The following SPOCK3 variants were observed in gnomAD, a reference collection of about 807,000 sequenced individuals.
The protein encoded by SPOCK3 is testican-3.
Under a neutral mutation model 56.6 loss-of-function variants are expected in SPOCK3, and 30 were observed. The ratio of observed to expected loss-of-function variants is 0.53; its 90% confidence interval spans 0.40 to 0.72. SPOCK3 has a LOEUF of 0.72. Ranked by LOEUF, SPOCK3 falls within the 30% of genes least tolerant of loss-of-function variation. SPOCK3 has a pLI of 0.00. For synonymous variants in SPOCK3, 196 were observed against 183.3 expected, an observed-to-expected ratio of 1.07 and a Z score of -0.56; for missense variants, 527 against 530.0, an observed-to-expected ratio of 0.99 and a Z score of 0.06.
At chr4:167,033,990 A>T (rs1224486713) in intron 3 of SPOCK3, among the ~76,000 whole-genome samples, 1 of 152,074 alleles carries the variant, frequency 6.6e-6, no homozygotes, top group Non-Finnish European at 1.5e-5. Context: ...TCAGAGTCCT[A>T]TCCCACAGAA....
At chr4:166,749,572 C>A (rs948824859) in intron 8 of SPOCK3, among the ~76,000 whole-genome samples, 5 of 151,692 alleles carry the variant, frequency 3.3e-5, no homozygotes, top group Non-Finnish European at 2.9e-5. Context: ...ACCAACATGG[C>A]ACATGTATAC....
chr4:166,918,965 C>T (rs1249372298), intron 4 of SPOCK3, among the ~76,000 whole-genome samples: 1 of 152,110 alleles, frequency 6.6e-6, no homozygotes, highest in Non-Finnish European at 1.5e-5. Flanking sequence ...CATGTGATCT[C>T]TGCACACCCC....
intron 5 of SPOCK3, among the ~76,000 whole-genome samples, chr4:166,900,176 C>A (rs1177054490): frequency 1.3e-5 from 2 of 152,126 alleles, no homozygotes; most frequent in Non-Finnish European, 2.9e-5. Context: ...ATCACTGTAC[C>A]GTTTAAAACT....
intron 4 of SPOCK3, among the ~76,000 whole-genome samples, chr4:166,951,644 G>T (rs1742636869): frequency 7.3e-6 from 1 of 136,144 alleles, no homozygotes; most frequent in Non-Finnish European, 1.5e-5. Context: ...GAGAATTTTA[G>T]ACCAATATCC....
chr4:167,183,965 C>T (rs1731727238), intron 2 of SPOCK3, among the ~76,000 whole-genome samples: 1 of 152,166 alleles, frequency 6.6e-6, no homozygotes, highest in South Asian at 2.1e-4. Flanking sequence ...ATACCAGGAT[C>T]ATTTATTTGA....
chr4:166,755,652 A>G (rs900920355), intron 7 of SPOCK3, among the ~76,000 whole-genome samples: 2 of 152,098 alleles, frequency 1.3e-5, no homozygotes, highest in Non-Finnish European at 2.9e-5. Flanking sequence ...CATGGAAAAG[A>G]GGATGTATTG....
chr4:167,072,990 G>A (rs1756827058), intron 2 of SPOCK3, among the ~76,000 whole-genome samples: 1 of 151,598 alleles, frequency 6.6e-6, no homozygotes, highest in Non-Finnish European at 1.5e-5. Flanking sequence ...TTTAGATATT[G>A]TTTACTGCTT....
At chr4:167,020,337 T>G (rs1751050370) in intron 3 of SPOCK3, among the ~76,000 whole-genome samples, 1 of 152,078 alleles carries the variant, frequency 6.6e-6, no homozygotes, top group South Asian at 2.1e-4. Context: ...GCATTTGCAG[T>G]TTCCAAAGAG....
chr4:166,885,789 A>G (rs989973404), intron 6 of SPOCK3, among the ~76,000 whole-genome samples: 2 of 152,214 alleles, frequency 1.3e-5, no homozygotes, highest in African/African-American at 4.8e-5. Flanking sequence ...ATATAAAACC[A>G]TAAAACTCAT....
intron 2 of SPOCK3, among the ~76,000 whole-genome samples, chr4:167,207,967 C>T (rs1734515190): frequency 6.6e-6 from 1 of 152,120 alleles, no homozygotes; most frequent in Non-Finnish European, 1.5e-5. Flanking sequence ...TAATGCTAAG[C>T]CAAGGAAGCC....
intron 5 of SPOCK3, among the ~76,000 whole-genome samples, chr4:166,891,162 A>C (rs545879392): frequency 6.6e-4 from 100 of 152,002 alleles, no homozygotes; most frequent in African/African-American, 2.3e-3. Context: ...ATCTTTTAAG[A>C]GTCAATAATT....
intron 6 of SPOCK3, among the ~76,000 whole-genome samples, chr4:166,813,139 G>T (rs1744011584): frequency 6.6e-6 from 1 of 151,884 alleles, no homozygotes; most frequent in Non-Finnish European, 1.5e-5. Flanking sequence ...ACCTTAAAAT[G>T]ATTTAAATTA....
intron 4 of SPOCK3, among the ~76,000 whole-genome samples, chr4:166,962,685 C>T (rs916699431): frequency 6.6e-6 from 1 of 152,068 alleles, no homozygotes; most frequent in African/African-American, 2.4e-5. Flanking sequence ...CTACTTATGT[C>T]ACCATTTTCA....
At chr4:166,783,160 A>T (rs1343430987) in intron 7 of SPOCK3, among the ~76,000 whole-genome samples, 1 of 152,164 alleles carries the variant, frequency 6.6e-6, no homozygotes, top group Non-Finnish European at 1.5e-5. Context: ...GGATTTCAAG[A>T]CCAGTCTGGC....
chr4:166,836,323 C>CATTT (rs1310266176), intron 6 of SPOCK3, among the ~76,000 whole-genome samples: 1 of 152,138 alleles, frequency 6.6e-6, no homozygotes, highest in African/African-American at 2.4e-5. Flanking sequence ...ACGATTTTAT[C>CATTT]ATTTTTTTCA....
chr4:166,962,011 A>G (rs1282227131), intron 4 of SPOCK3, among the ~76,000 whole-genome samples: 1 of 152,030 alleles, frequency 6.6e-6, no homozygotes, highest in East Asian at 1.9e-4. Flanking sequence ...GGCTGCCTCC[A>G]TTCCTTAGCT....
chr4:166,935,992 A>G lies in SPOCK3; in HGVS notation c.351-23249T>C, dbSNP rs558985376. ...AGAAGGTCAGGTTTGGAAAGTTCAG[A>G]TTTTTCCTTCCATTTTTGGTTTCAT... On this transcript the variant is annotated intron_variant, in intron 4 of 10. Transcript: ENST00000357545. Among the ~76,000 whole-genome samples, 2 of 152,284 alleles carry G rather than the reference A, an allele frequency of 1.3e-5. 1 individual carries two copies. The highest frequency in any genetic ancestry group is 4.1e-4 in the South Asian group (2 of 4,832).
At chr4:166,763,417 A>C (rs1316462305) in intron 7 of SPOCK3, among the ~76,000 whole-genome samples, 1 of 152,146 alleles carries the variant, frequency 6.6e-6, no homozygotes, top group Non-Finnish European at 1.5e-5. Flanking sequence ...CAGAGAATGT[A>C]ATAATACCAT....
At position 167,204,724 on chromosome 4, in the gene SPOCK3, A is replaced by G. The variant is rs776533610; in HGVS notation, c.189+29261T>C. On this transcript the variant is annotated intron_variant, in intron 2 of 10. Transcript: ENST00000357545. Reference sequence around the variant, plus strand: ...TTAATTAGGCTTGAGTTGTTACATGAGAAAAAAATCATCTTCTAACCTTTT... The same window carrying G: ...TTAATTAGGCTTGAGTTGTTACATGGGAAAAAAATCATCTTCTAACCTTTT... Among the ~76,000 whole-genome samples, 4 of 152,146 alleles carry G rather than the reference A, an allele frequency of 2.6e-5. No homozygotes were observed. The East Asian group carries it at 7.7e-4, about 29-fold the overall frequency.
Sources: gnomAD v4.1 joint callset for allele counts (sites outside exome capture counted in the v4.1 genomes callset) on GRCh38, gnomAD v4.1.1 for gene constraint, MANE v1.5 for transcripts, NCBI Gene and HGNC (gene_info 2026-07-23, HGNC 2026-07-21) for gene names.